The following CDH13 variants were observed in gnomAD, a reference collection of about 807,000 sequenced individuals.
CDH13 encodes cadherin 13.
Under a neutral mutation model 63.8 loss-of-function variants are expected in CDH13, and 24 were observed. The observed-to-expected ratio is 0.38, with a 90% CI of 0.27 to 0.53. The LOEUF is 0.53. Ranked by LOEUF, CDH13 falls within the 20% of genes least tolerant of loss-of-function variation. The pLI is 0.85. For missense variants in CDH13, 1,049 were observed against 903.1 expected, an observed-to-expected ratio of 1.16 and a Z score of -2.07; for synonymous variants, 503 against 355.3, an observed-to-expected ratio of 1.42 and a Z score of -4.67.
At chr16:82,824,662 C>T (rs557520486) in intron 1 of CDH13, 30 of 152,144 alleles carry the variant, frequency 2.0e-4, no homozygotes, top group African/African-American at 6.3e-4. Context: ...ATGCAATCTG[C>T]GAACTTCCAC....
At chr16:83,623,242 C>T (rs1023332702) in intron 8 of CDH13, among the ~76,000 whole-genome samples, 3 of 152,106 alleles carry the variant, frequency 2.0e-5, no homozygotes, top group African/African-American at 7.2e-5. Context: ...GGACTCAGTC[C>T]CCTATTACAG....
chr16:82,668,664 G>C lies in CDH13; in HGVS notation c.45+41527G>C, dbSNP rs545066704. Among the ~76,000 whole-genome samples, 33 of 152,282 alleles carry C rather than the reference G, an allele frequency of 2.2e-4. 1 individual carries two copies. In the South Asian group the frequency reaches 6.2e-3, roughly 29 times the overall value. On this transcript the variant is annotated intron_variant, in intron 1 of 13. Coordinates refer to ENST00000567109, the MANE Select transcript of CDH13 (RefSeq NM_001257.5). ...CTTGGGGTAAGGTCTGGGAGTCTGT[G>C]TTTTGGCAAGAGTTCTGAGTGATTC...
chr16:82,786,496 TTGTGTG>T (rs61029619), intron 1 of CDH13, among the ~76,000 whole-genome samples: 10 of 148,466 alleles, frequency 6.7e-5, no homozygotes, highest in South Asian at 4.4e-4. Flanking sequence ...TCTTCTTCTT[TTGTGTG>T]TGTGTGTGTG....
intron 1 of CDH13, among the ~76,000 whole-genome samples, chr16:82,698,534 GC>G (rs773175558): frequency 5.3e-5 from 8 of 152,228 alleles, no homozygotes; most frequent in Non-Finnish European, 1.2e-4. Flanking sequence ...TTTGAGGTGG[GC>G]TTTGCTCCGT....
chr16:83,263,186 A>G (rs1907189283), intron 5 of CDH13, among the ~76,000 whole-genome samples: 1 of 152,244 alleles, frequency 6.6e-6, no homozygotes, highest in African/African-American at 2.4e-5. Flanking sequence ...ATTTTTAGGA[A>G]TCAAGTGATA....
intron 1 of CDH13, among the ~76,000 whole-genome samples, chr16:82,686,641 T>A (rs931694838): frequency 4.6e-5 from 7 of 152,082 alleles, no homozygotes; most frequent in Non-Finnish European, 1.0e-4. Context: ...CTTTCCTCAA[T>A]GATTATTGTT....
At chr16:83,007,149 C>T (rs528471726) in intron 2 of CDH13, among the ~76,000 whole-genome samples, 100 of 152,200 alleles carry the variant, frequency 6.6e-4, no homozygotes, top group Non-Finnish European at 1.2e-3. Flanking sequence ...CTTGAACTCT[C>T]GACCTAAGGT....
At chr16:83,584,952 T>C (rs1412901951) in intron 7 of CDH13, among the ~76,000 whole-genome samples, 1 of 152,046 alleles carries the variant, frequency 6.6e-6, no homozygotes, top group Non-Finnish European at 1.5e-5. Context: ...GAGAACTCAC[T>C]CACTACTGTG....
At chr16:83,040,814 G>A (rs142735858) in intron 3 of CDH13, among the ~76,000 whole-genome samples, 153 of 152,244 alleles carry the variant, frequency 1.0e-3, no homozygotes, top group African/African-American at 3.5e-3. Flanking sequence ...ACAACAAACT[G>A]GAGTTATTCA....
chr16:83,574,955 A>G (rs980974844), intron 7 of CDH13, among the ~76,000 whole-genome samples: 1 of 152,258 alleles, frequency 6.6e-6, no homozygotes, highest in Non-Finnish European at 1.5e-5. Context: ...GAATATTAAT[A>G]GCAACATTAC....
chr16:82,644,651 G>C lies in CDH13; in HGVS notation c.45+17514G>C, dbSNP rs1051706002. Among the ~76,000 whole-genome samples, 3 of 152,156 alleles carry C rather than the reference G, an allele frequency of 2.0e-5. No homozygotes were observed. Among genetic ancestry groups the C allele is most frequent in the Admixed American group, 6.5e-5 (1 of 15,286 alleles). ...CAGTCTGTAAAAGCAACCACGCTTT[G>C]GGCTGGGGCAGAAGTCAGGACTTGA... On this transcript the variant is annotated intron_variant, in intron 1 of 13. Coordinates refer to ENST00000567109, the MANE Select transcript of CDH13 (RefSeq NM_001257.5). The surrounding 1 kb of genome is among the most constrained non-coding windows in gnomAD (Gnocchi z 5.7).
chr16:82,992,226 T>C (rs916555073), intron 2 of CDH13, among the ~76,000 whole-genome samples: 9 of 152,314 alleles, frequency 5.9e-5, no homozygotes, highest in Admixed American at 2.0e-4. Context: ...CATGGCCTTA[T>C]CTGTTTCAGT....
chr16:83,502,092 G>A (rs934518503), intron 7 of CDH13, among the ~76,000 whole-genome samples: 1 of 152,198 alleles, frequency 6.6e-6, no homozygotes, highest in Non-Finnish European at 1.5e-5. Context: ...CTGTGTGGAA[G>A]ACAGAATAAT....
chr16:83,220,239 G>A (rs2151791445), intron 5 of CDH13, among the ~76,000 whole-genome samples: 1 of 152,188 alleles, frequency 6.6e-6, no homozygotes, highest in East Asian at 1.9e-4. Context: ...GCAAGTTTGA[G>A]GAAGAGCCCC....
chr16:83,293,256 A>T (rs937775020), intron 5 of CDH13, among the ~76,000 whole-genome samples: 1 of 152,194 alleles, frequency 6.6e-6, no homozygotes, highest in Non-Finnish European at 1.5e-5. Context: ...GCCTTCATTA[A>T]ATTATTTTTA....
At chr16:83,159,816 T>G (rs1277947279) in intron 4 of CDH13, among the ~76,000 whole-genome samples, 1 of 152,210 alleles carries the variant, frequency 6.6e-6, no homozygotes, top group African/African-American at 2.4e-5. Flanking sequence ...GGGTCATGTC[T>G]GTAATCCTAG....
chr16:82,745,192 C>G (rs879889811), intron 1 of CDH13, among the ~76,000 whole-genome samples: 1 of 152,140 alleles, frequency 6.6e-6, no homozygotes, highest in Non-Finnish European at 1.5e-5. Context: ...CTCAGGCTGA[C>G]TTGGAGTTGT....
At chr16:83,078,593 C>G (rs1044183232) in intron 3 of CDH13, among the ~76,000 whole-genome samples, 1 of 152,180 alleles carries the variant, frequency 6.6e-6, no homozygotes, top group African/African-American at 2.4e-5. Flanking sequence ...AGGCCACAGA[C>G]CAGTACCGGT....
intron 5 of CDH13, among the ~76,000 whole-genome samples, chr16:83,262,744 A>G (rs761973979): frequency 2.6e-5 from 4 of 152,224 alleles, no homozygotes; most frequent in African/African-American, 4.8e-5. Context: ...AATGCACTAG[A>G]ATAACTTGTA....
Sources: allele counts gnomAD v4.1 joint callset (sites outside exome capture counted in the v4.1 genomes callset), GRCh38; gene constraint gnomAD v4.1.1; non-coding constraint Gnocchi (gnomAD v3.1); transcripts MANE v1.5; gene names NCBI Gene and HGNC (gene_info 2026-07-23, HGNC 2026-07-21).